SLIT2: variants seen among roughly 807,000 people sequenced by gnomAD.
SLIT2 encodes the protein slit homolog 2 protein.
Under a neutral mutation model 185.7 loss-of-function variants are expected in SLIT2, and 41 were observed. The observed-to-expected ratio is 0.22, with a 90% CI of 0.17 to 0.29. The LOEUF (loss-of-function observed/expected upper bound fraction) is 0.29. Ranked by LOEUF, SLIT2 falls within the 10% of genes least tolerant of loss-of-function variation. The pLI is 1.00. For synonymous variants in SLIT2, 693 were observed against 680.2 expected, an observed-to-expected ratio of 1.02 and a Z score of -0.29; for missense variants, 1,571 against 1,909.0, an observed-to-expected ratio of 0.82 and a Z score of 3.30.
chr4:20,472,308 A>ATATC lies in SLIT2; in HGVS notation c.467+4488_467+4489insCTAT, dbSNP rs1715242968. On this transcript the variant is annotated intron_variant, in intron 5 of 36. Coordinates refer to ENST00000504154, the MANE Select transcript of SLIT2 (RefSeq NM_004787.4). ...TATAGATATATAGATATATAGATCT[A>ATATC]TATATAGATATATATATCTATATAT... Among the ~76,000 whole-genome samples the ATATC allele has an allele frequency of 1.8e-4, 5 of 28,282 alleles. 1 individual carries two copies. Among genetic ancestry groups the ATATC allele is most frequent in the African/African-American group, 7.1e-4 (3 of 4,200 alleles). The allele number at this position is 28,282 out of a possible 152,430, so 18.6% of individuals were successfully genotyped here.
intron 4 of SLIT2, among the ~76,000 whole-genome samples, chr4:20,309,704 T>A (rs992316758): frequency 6.6e-6 from 1 of 151,844 alleles, no homozygotes; most frequent in South Asian, 2.1e-4. Context: ...TCCTTTACTG[T>A]ACTACTAAAG....
intron 29 of SLIT2, among the ~76,000 whole-genome samples, chr4:20,584,323 T>G (rs1277681016): frequency 1.3e-5 from 2 of 152,204 alleles, no homozygotes; most frequent in African/African-American, 4.8e-5. Context: ...ATAAGAACAG[T>G]TACTTCCTGA....
chr4:20,517,599 A>C (rs1309764012), intron 11 of SLIT2, among the ~76,000 whole-genome samples: 2 of 152,152 alleles, frequency 1.3e-5, no homozygotes, highest in Non-Finnish European at 2.9e-5. Context: ...AAAGAAATCT[A>C]TGTTTTCTAC....
chr4:20,571,697 A>T (rs894274365), intron 29 of SLIT2, among the ~76,000 whole-genome samples: 6 of 152,232 alleles, frequency 3.9e-5, no homozygotes, highest in African/African-American at 1.2e-4. Context: ...AAGCCCTGCT[A>T]TGCTCAGGGA....
intron 4 of SLIT2, among the ~76,000 whole-genome samples, chr4:20,462,675 TC>T (rs1560443643): frequency 3.3e-5 from 5 of 152,170 alleles, no homozygotes. Flanking sequence ...AAACTCAATT[TC>T]CAGATTAATC....
At chr4:20,530,518 A>G (rs1326819805) in intron 16 of SLIT2, among the ~76,000 whole-genome samples, 1 of 152,114 alleles carries the variant, frequency 6.6e-6, no homozygotes, top group Non-Finnish European at 1.5e-5. Flanking sequence ...CCTGAGCTCA[A>G]GCAATCCTCC....
rs200879012 is a variant in SLIT2 at position 20,578,238 on chromosome 4, A to G, written c.3088+9234A>G. Among the ~76,000 whole-genome samples, 84 of 152,308 alleles carry G rather than the reference A, an allele frequency of 5.5e-4. 1 individual carries two copies. Among genetic ancestry groups the G allele is most frequent in the East Asian group, 2.7e-3 (14 of 5,186 alleles). On this transcript the variant is annotated intron_variant, in intron 29 of 36. Coordinates refer to ENST00000504154, the MANE Select transcript of SLIT2 (RefSeq NM_004787.4). ...CACTTTACTAGCGAATGCAATGGGA[A>G]TGGAGAAATACAAAAATATAAATAT... is the stretch of plus-strand genomic sequence containing the variant.
At chr4:20,281,258 T>C (rs1462735354) in intron 4 of SLIT2, among the ~76,000 whole-genome samples, 1 of 152,224 alleles carries the variant, frequency 6.6e-6, no homozygotes, top group Non-Finnish European at 1.5e-5. Context: ...ATCACCTGTC[T>C]CTCAAACATC....
intron 11 of SLIT2, among the ~76,000 whole-genome samples, chr4:20,516,549 A>G (rs1215840088): frequency 6.6e-6 from 1 of 152,140 alleles, no homozygotes; most frequent in Non-Finnish European, 1.5e-5. Context: ...ACAGTGTAGG[A>G]CAAATTCTCA....
rs536358693 is a variant in SLIT2, at chr4:20,382,576, G to A, written c.396-85176G>A. On this transcript the variant is annotated intron_variant, in intron 4 of 36. Transcript: ENST00000504154. ...CATTGACAATAGGATCAGAGAATAC[G>A]AAATATATACACATAAATGTAATAG... Among the ~76,000 whole-genome samples the A allele has an allele frequency of 6.6e-5, 10 of 152,160 alleles. No individual in the cohort carries two copies. In the South Asian group the frequency reaches 1.0e-3, roughly 16 times the overall value.
At chr4:20,608,982 C>T (rs1729000175) in intron 33 of SLIT2, among the ~76,000 whole-genome samples, 1 of 152,096 alleles carries the variant, frequency 6.6e-6, no homozygotes, top group African/African-American at 2.4e-5. Flanking sequence ...TTCCATTATG[C>T]CATGTTTTTC....
At chr4:20,460,691 G>C (rs1042245578) in intron 4 of SLIT2, among the ~76,000 whole-genome samples, 2 of 152,126 alleles carry the variant, frequency 1.3e-5, no homozygotes, top group Admixed American at 6.6e-5. Context: ...TATGAGATCA[G>C]GTAGGCACCA....
At chr4:20,525,076 T>C in intron 14 of SLIT2, 73 bp from the exon 15 acceptor site, 4 of 1,101,648 alleles carry the variant, frequency 3.6e-6, no homozygotes, top group Non-Finnish European at 5.6e-6. Flanking sequence ...CCATTCTTAA[T>C]CTAATATAAC....
chr4:20,474,185 T>C (rs575390459), intron 5 of SLIT2, among the ~76,000 whole-genome samples: 4 of 152,098 alleles, frequency 2.6e-5, no homozygotes, highest in African/African-American at 9.6e-5. Context: ...GGTAAGGTCT[T>C]TTATTGCCTT....
At chr4:20,472,384 ATG>A (rs200697245) in intron 5 of SLIT2, among the ~76,000 whole-genome samples, 183 of 10,094 alleles carry the variant, frequency 0.018, 9 homozygotes, top group East Asian at 0.058. Flanking sequence ...ATCTATATAT[ATG>A]TAGATATATA....
chr4:20,343,512 T>A (rs1169645374), intron 4 of SLIT2, among the ~76,000 whole-genome samples: 2 of 152,010 alleles, frequency 1.3e-5, no homozygotes, highest in East Asian at 3.9e-4. Flanking sequence ...AAAACTTTTT[T>A]TTTTCTTGAG....
intron 4 of SLIT2, among the ~76,000 whole-genome samples, chr4:20,421,804 A>T (rs1390532990): frequency 1.3e-5 from 2 of 152,094 alleles, no homozygotes; most frequent in East Asian, 3.9e-4. Flanking sequence ...TTCTTAACGG[A>T]ATGTTTTCTT....
At chr4:20,315,642 GA>G (rs1334529762) in intron 4 of SLIT2, among the ~76,000 whole-genome samples, 1 of 151,908 alleles carries the variant, frequency 6.6e-6, no homozygotes, top group Non-Finnish European at 1.5e-5. Context: ...TATCAGAAAG[GA>G]AAAAACATAA....
chr4:20,580,213 A>G (rs1262516920), intron 29 of SLIT2, among the ~76,000 whole-genome samples: 1 of 150,976 alleles, frequency 6.6e-6, no homozygotes. Flanking sequence ...GATGCGCACC[A>G]CCATACCCAG....
Sources: gnomAD v4.1 joint callset for allele counts (sites outside exome capture counted in the v4.1 genomes callset) on GRCh38, gnomAD v4.1.1 for gene constraint, MANE v1.5 for transcripts, NCBI Gene and HGNC (gene_info 2026-07-23, HGNC 2026-07-21) for gene names.